The following LSAMP variants were observed in gnomAD, a reference collection of about 807,000 sequenced individuals.
LSAMP encodes the protein limbic system-associated membrane protein.
LSAMP carries 7 observed loss-of-function variants against 38.6 expected under a neutral mutation model. That is an observed-to-expected ratio of 0.18 (90% CI 0.10 to 0.34). The LOEUF is 0.34. Ranked by LOEUF, LSAMP falls within the 10% of genes least tolerant of loss-of-function variation. LSAMP has a pLI of 1.00. For missense variants in LSAMP, 313 were observed against 420.0 expected, an observed-to-expected ratio of 0.75 and a Z score of 2.23; for synonymous variants, 154 against 166.8, an observed-to-expected ratio of 0.92 and a Z score of 0.59.
chr3:116,068,978 A>G (rs1245821865), intron 2 of LSAMP, among the ~76,000 whole-genome samples: 1 of 152,234 alleles, frequency 6.6e-6, no homozygotes. Flanking sequence ...GGATAGCAAG[A>G]TCAAGTAAGC....
chr3:116,170,574 T>A (rs1710172325), intron 1 of LSAMP, among the ~76,000 whole-genome samples: 1 of 152,154 alleles, frequency 6.6e-6, no homozygotes, highest in Non-Finnish European at 1.5e-5. Flanking sequence ...CCTCTGACAT[T>A]ACTTGCTATA....
chr3:116,286,107 G>C (rs1483249260), intron 1 of LSAMP, among the ~76,000 whole-genome samples: 2 of 152,190 alleles, frequency 1.3e-5, no homozygotes, highest in Non-Finnish European at 2.9e-5. Context: ...GAAATTCCAG[G>C]AGGAGAAGAG....
intron 1 of LSAMP, among the ~76,000 whole-genome samples, chr3:116,317,448 T>C (rs7621851): frequency 0.6 from 90,010 of 151,258 alleles, 30,012 homozygotes; most frequent in East Asian, 0.86. Context: ...CTCCACCTCC[T>C]GGGTTCACGC....
At chr3:115,910,965 A>G (rs1452887599) in intron 3 of LSAMP, among the ~76,000 whole-genome samples, 1 of 152,224 alleles carries the variant, frequency 6.6e-6, no homozygotes. Flanking sequence ...AGAAGAAAGG[A>G]TTGAAATGCT....
At chr3:116,427,207 G>A (rs2049210643) in intron 1 of LSAMP, among the ~76,000 whole-genome samples, 1 of 142,216 alleles carries the variant, frequency 7.0e-6, no homozygotes, top group African/African-American at 2.6e-5. Flanking sequence ...TGCAAGCTCC[G>A]CTTCCCGGGT....
chr3:116,055,316 C>T (rs1196996857), intron 2 of LSAMP, among the ~76,000 whole-genome samples: 3 of 152,146 alleles, frequency 2.0e-5, no homozygotes, highest in African/African-American at 2.4e-5. Context: ...AACATGCCAC[C>T]TGAAGCCAAA....
intron 3 of LSAMP, among the ~76,000 whole-genome samples, chr3:115,887,872 AGAAT>A (rs1168435689): frequency 1.3e-5 from 2 of 151,938 alleles, no homozygotes; most frequent in Admixed American, 1.3e-4. Context: ...TAAAGACCGC[AGAAT>A]GAAGTATTCA....
intron 1 of LSAMP, among the ~76,000 whole-genome samples, chr3:116,272,273 A>G (rs2046984672): frequency 6.6e-6 from 1 of 152,202 alleles, no homozygotes; most frequent in Non-Finnish European, 1.5e-5. Flanking sequence ...TGGGACTGAG[A>G]CAACTAATTC....
chr3:116,224,658 C>T (rs570398150), intron 1 of LSAMP, among the ~76,000 whole-genome samples: 1 of 152,118 alleles, frequency 6.6e-6, no homozygotes, highest in East Asian at 1.9e-4. Context: ...TAACACATGA[C>T]AAAAATTTAG....
chr3:116,009,612 C>T (rs1436054632), intron 3 of LSAMP, among the ~76,000 whole-genome samples: 1 of 152,134 alleles, frequency 6.6e-6, no homozygotes, highest in Non-Finnish European at 1.5e-5. Flanking sequence ...TTTGTAAATC[C>T]AGCGGCCATC....
At chr3:115,907,263 TA>T (rs1937029024) in intron 3 of LSAMP, among the ~76,000 whole-genome samples, 1 of 152,144 alleles carries the variant, frequency 6.6e-6, no homozygotes, top group Non-Finnish European at 1.5e-5. Flanking sequence ...GCATAAAATT[TA>T]TATGTTGCAA....
In LSAMP at chr3:115,913,090, A is replaced by G. The variant is rs1937169223; in HGVS notation, c.515-60473T>C. ...TAAGTAAAACTTGATGGTCTAGAAAACACGTGATGTTTATTCTGGCAGGCA... is the reference window on the plus strand; with the variant it reads ...TAAGTAAAACTTGATGGTCTAGAAAGCACGTGATGTTTATTCTGGCAGGCA... On this transcript the variant is annotated intron_variant, in intron 3 of 6. Transcript: ENST00000490035. Among the ~76,000 whole-genome samples, 2 of 152,184 alleles carry G rather than the reference A, an allele frequency of 1.3e-5. 1 individual carries two copies. Among genetic ancestry groups the G allele is most frequent in the South Asian group, 4.1e-4 (2 of 4,828 alleles).
Position 115,884,818 on chromosome 3 carries a change from A to G in LSAMP, c.515-32201T>C, listed in dbSNP as rs552547196. On this transcript the variant is annotated intron_variant, in intron 3 of 6. Transcript: ENST00000490035. ...GGACCTGGAAGTCAATAACATAAAA[A>G]AGAATAAACACGAATGATTATAAGA... Among the ~76,000 whole-genome samples the G allele has an allele frequency of 2.0e-5, 3 of 152,206 alleles. No individual in the cohort carries two copies. The South Asian group carries it at 6.2e-4, about 32-fold the overall frequency.
In LSAMP at chr3:116,400,553, A is replaced by G. The variant is rs144035613; in HGVS notation, c.155+44324T>C. ...GAGTACAATGGCACAATCTTAGCTC[A>G]CTGCAACCTCTGCTACCCATGTTCA... On this transcript the variant is annotated intron_variant, in intron 1 of 6. Transcript: ENST00000490035. 6.2e-3 allele frequency among the ~76,000 whole-genome samples: 940 copies of G among 151,366 alleles called. 11 individuals carry two copies. Among genetic ancestry groups the G allele is most frequent in the African/African-American group, 0.022 (892 of 41,202 alleles).
In LSAMP at chr3:116,302,672, T is replaced by A. The variant is rs1208203268; in HGVS notation, c.155+142205A>T. Reference sequence around the variant, plus strand: ...TGTTTGCTTTAGTAAAACATAACAGTCATTCAAAGTTACAGATCTGTTTTC... The same window carrying A: ...TGTTTGCTTTAGTAAAACATAACAGACATTCAAAGTTACAGATCTGTTTTC... On this transcript the variant is annotated intron_variant, in intron 1 of 6. Coordinates refer to ENST00000490035, the MANE Select transcript of LSAMP (RefSeq NM_002338.5). 2.6e-5 allele frequency among the ~76,000 whole-genome samples: 4 copies of A among 152,302 alleles called. No individual in the cohort carries two copies. In the South Asian group the frequency reaches 8.3e-4, roughly 32 times the overall value.
At chr3:115,904,881 C>G (rs79043104) in intron 3 of LSAMP, among the ~76,000 whole-genome samples, 3,176 of 151,572 alleles carry the variant, frequency 0.021, 129 homozygotes, top group African/African-American at 0.07. Context: ...CCTTTCAAAA[C>G]TAGGTTTTGT....
At chr3:116,247,400 T>C (rs532875683) in intron 1 of LSAMP, among the ~76,000 whole-genome samples, 1 of 152,334 alleles carries the variant, frequency 6.6e-6, no homozygotes, top group South Asian at 2.1e-4. Flanking sequence ...AGAAAATTGC[T>C]ATATAGGATC....
intron 3 of LSAMP, among the ~76,000 whole-genome samples, chr3:115,876,649 T>TA (rs1460427226): frequency 1.3e-5 from 2 of 152,094 alleles, no homozygotes; most frequent in African/African-American, 4.8e-5. Flanking sequence ...ATTTTACTCT[T>TA]AAGATCTCCT....
At chr3:116,260,207 T>G (rs964560013) in intron 1 of LSAMP, among the ~76,000 whole-genome samples, 1 of 152,132 alleles carries the variant, frequency 6.6e-6, no homozygotes, top group Non-Finnish European at 1.5e-5. Context: ...TACATTTGTA[T>G]AGTAAATTTA....
Sources: gnomAD v4.1 joint callset for allele counts (sites outside exome capture counted in the v4.1 genomes callset) on GRCh38, gnomAD v4.1.1 for gene constraint, MANE v1.5 for transcripts, NCBI Gene and HGNC (gene_info 2026-07-23, HGNC 2026-07-21) for gene names.